The following SEMA3F variants were observed in gnomAD, a reference collection of about 807,000 sequenced individuals.
SEMA3F encodes semaphorin-3F.
A neutral mutation model predicts 98.5 loss-of-function variants in SEMA3F; 30 were observed. The ratio of observed to expected loss-of-function variants is 0.30; its 90% CI spans 0.23 to 0.41. The LOEUF (loss-of-function observed/expected upper bound fraction) is 0.41. SEMA3F is among the 10% of genes least tolerant of loss of function. The pLI is 1.00. For missense variants in SEMA3F, 866 were observed against 1,119.3 expected (o/e 0.77, Z 3.23); for synonymous variants, 380 against 444.8 (o/e 0.85, Z 1.83).
chr3:50,159,600 C>A lies in SEMA3F; in HGVS notation c.-23C>A. On this transcript the variant is annotated 5_prime_UTR_variant, in exon 2 of 19. It adds an upstream start codon to the 5' untranslated region. Transcript: ENST00000002829. Reference sequence around the variant, plus strand: ...GTTTCTAGAGAGTGGAGCCTGCTTCCTGGGCCCTAGGCCCCTCCCACAATG... The same window carrying A: ...GTTTCTAGAGAGTGGAGCCTGCTTCATGGGCCCTAGGCCCCTCCCACAATG... 6.8e-7 allele frequency: 1 copy of A among 1,466,956 alleles called. No homozygotes were observed. The highest frequency in any genetic ancestry group is 9.4e-7 in the Non-Finnish European group (1 of 1,061,166). The allele number at this position is 1,466,956 out of a possible 1,614,324, so 90.9% of individuals were successfully genotyped here. A position where few individuals can be genotyped will look rare whatever the true frequency, so the allele number is the denominator to read the frequency against.
chr3:50,188,095 C>T lies in SEMA3F; in HGVS notation c.2338C>T (p.His780Tyr), dbSNP rs1699303469. Residue 780 changes from histidine to tyrosine, a missense_variant, in exon 19 of 19, where the codon CAC becomes TAC. Coordinates refer to ENST00000002829, the MANE Select transcript of SEMA3F (RefSeq NM_004186.5). The surrounding 1 kb of genome is among the most constrained non-coding windows in gnomAD (Gnocchi z 4.5). ...CCAGAAAAAGCCCCGGAACCGCCGGCACCACCCTCCGGACACATGAGGCCA... is the reference window on the plus strand; with the variant it reads ...CCAGAAAAAGCCCCGGAACCGCCGGTACCACCCTCCGGACACATGAGGCCA... ...QDQKKPRNRR[H>Y]HPPDT is the part of the protein sequence containing the mutation. 2.6e-6 allele frequency: 4 copies of T among 1,538,600 alleles called. No homozygotes were observed. The highest frequency in any genetic ancestry group is 3.5e-6 in the Non-Finnish European group (4 of 1,142,120).
chr3:50,184,568 C>T, intron 12 of SEMA3F, 24 bp from the exon 13 acceptor site: 1 of 1,594,174 alleles, frequency 6.3e-7, no homozygotes, highest in South Asian at 1.1e-5. Flanking sequence ...CAGCCTGGGA[C>T]TGACACTCGC....
intron 13 of SEMA3F, 88 bp from the exon 14 acceptor site, chr3:50,185,355 T>G (rs1409301528): frequency 3.2e-6 from 4 of 1,256,574 alleles, no homozygotes; most frequent in East Asian, 5.1e-5. Flanking sequence ...CCTAGGGGGG[T>G]TTGGGCCCTG....
At position 50,184,648 on chromosome 3, in the gene SEMA3F, G is replaced by A. The variant is rs749691069; in HGVS notation, c.1290G>A (p.Glu430=). 6.2e-7 allele frequency: 1 copy of A among 1,614,138 alleles called. No individual in the cohort carries two copies. Among genetic ancestry groups the A allele is most frequent in the East Asian group, 2.2e-5 (1 of 44,880 alleles). The change falls in exon 13 of 19, where the codon GAG becomes GAA. Residue 430 remains glutamate, a synonymous_variant. Transcript: ENST00000002829. ...SMKSTKDYPD[E]VINFMRSHPL... is the part of the protein sequence containing the mutation. The stretch of plus-strand genomic sequence containing the variant: ...AGTCCACCAAGGATTATCCTGATGA[G>A]GTGATCAACTTCATGCGCAGCCACC...
At position 50,186,763 on chromosome 3, in the gene SEMA3F, G is replaced by C. The variant is rs772939552; in HGVS notation, c.1947+17G>C. 1.9e-6 allele frequency: 3 copies of C among 1,578,648 alleles called. No individual in the cohort carries two copies. The highest frequency in any genetic ancestry group is 2.6e-6 in the Non-Finnish European group (3 of 1,154,960). ...CGCCGAGAGGTGAGTTCCTGCGCCC[G>C]GTGCTGCACCGTGGATGTGAGTCCT... On this transcript the variant is annotated intron_variant, in intron 18 of 18. Coordinates refer to ENST00000002829, the MANE Select transcript of SEMA3F (RefSeq NM_004186.5).
At chr3:50,169,493 G>A (rs572807027) in intron 2 of SEMA3F, among the ~76,000 whole-genome samples, 3 of 152,284 alleles carry the variant, frequency 2.0e-5, no homozygotes, top group East Asian at 3.9e-4. Context: ...AATCCTTCCC[G>A]GATGTCACCC....
Position 50,159,576 on chromosome 3 carries a change from T to G in SEMA3F, c.-47T>G, listed in dbSNP as rs771247727. ...TCCAATCTTGGTTCCCCTTCCCAGGTTTCTAGAGAGTGGAGCCTGCTTCCT... is the reference window on the plus strand; with the variant it reads ...TCCAATCTTGGTTCCCCTTCCCAGGGTTCTAGAGAGTGGAGCCTGCTTCCT... On this transcript the variant is annotated splice_region_variant and 5_prime_UTR_variant, in exon 2 of 19. Coordinates refer to ENST00000002829, the MANE Select transcript of SEMA3F (RefSeq NM_004186.5). 15 of 1,198,128 alleles carry G rather than the reference T, an allele frequency of 1.3e-5. No homozygotes were observed. The highest frequency in any genetic ancestry group is 2.1e-5 in the Admixed American group (1 of 47,332). The allele number at this position is 1,198,128 out of a possible 1,614,324, so 74.2% of individuals were successfully genotyped here.
At chr3:50,161,193 C>T (rs1698194863) in intron 2 of SEMA3F, among the ~76,000 whole-genome samples, 1 of 152,146 alleles carries the variant, frequency 6.6e-6, no homozygotes, top group Admixed American at 6.5e-5. Flanking sequence ...TGGGACCTTG[C>T]GTCCGCTCTG....
At chr3:50,159,785 C>A in intron 2 of SEMA3F, 51 bp downstream of exon 2, 2 of 1,212,690 alleles carry the variant, frequency 1.6e-6, no homozygotes, top group South Asian at 1.2e-5. Flanking sequence ...TTTACAATAG[C>A]GCTCGGCTCC....
chr3:50,176,140 G>C (rs1472279524), intron 6 of SEMA3F, among the ~76,000 whole-genome samples: 1 of 152,180 alleles, frequency 6.6e-6, no homozygotes, highest in Non-Finnish European at 1.5e-5. Context: ...GTCTGGGCTG[G>C]ACTCCTTGAC....
chr3:50,162,034 T>C (rs1401989724), intron 2 of SEMA3F, among the ~76,000 whole-genome samples: 2 of 152,184 alleles, frequency 1.3e-5, no homozygotes, highest in Non-Finnish European at 2.9e-5. Context: ...TGTGGCTCCA[T>C]GTCATAGTTT....
At position 50,184,740 on chromosome 3, in the gene SEMA3F, A is replaced by G. The variant is rs1488285898; in HGVS notation, c.1382A>G (p.Tyr461Cys). 6 of 1,613,936 alleles carry G rather than the reference A, an allele frequency of 3.7e-6. No individual in the cohort carries two copies. The highest frequency in any genetic ancestry group is 4.2e-6 in the Non-Finnish European group (5 of 1,179,974). Residue 461 changes from tyrosine to cysteine, a missense_variant, in exon 13 of 19, where the codon TAC becomes TGC. Coordinates refer to ENST00000002829, the MANE Select transcript of SEMA3F (RefSeq NM_004186.5). ...CTGGTAGTCCGCACAGGTGCTCCCT[A>G]CCGCCTTACCACTATTGCCGTGGAC... is the stretch of plus-strand genomic sequence containing the variant. ...RPLVVRTGAP[Y>C]RLTTIAVDQV...
chr3:50,161,543 G>T (rs969129540), intron 2 of SEMA3F, among the ~76,000 whole-genome samples: 1 of 152,242 alleles, frequency 6.6e-6, no homozygotes, highest in Non-Finnish European at 1.5e-5. Context: ...GCGGCCTGGG[G>T]TGGGGCTGCA....
intron 7 of SEMA3F, among the ~76,000 whole-genome samples, chr3:50,180,150 T>A (rs1025589801): frequency 1.4e-4 from 22 of 152,126 alleles, no homozygotes; most frequent in African/African-American, 4.6e-4. Context: ...TGTTTTTTTT[T>A]ATTTGTTTGT....
chr3:50,170,100 C>G (rs533028903), intron 2 of SEMA3F, among the ~76,000 whole-genome samples: 1 of 152,252 alleles, frequency 6.6e-6, no homozygotes, highest in African/African-American at 2.4e-5. Flanking sequence ...TGTCACAGGG[C>G]TCCTTGTTTC....
chr3:50,172,405 C>T (rs891878641), intron 2 of SEMA3F, among the ~76,000 whole-genome samples: 1 of 152,096 alleles, frequency 6.6e-6, no homozygotes, highest in African/African-American at 2.4e-5. Flanking sequence ...CCTCGGCTCT[C>T]CCTCCCCTTG....
In SEMA3F at chr3:50,183,469, C is replaced by T. The variant is rs1254413108; in HGVS notation, c.1138C>T (p.Arg380Cys). Residue 380 changes from arginine (R) to cysteine (C), a missense_variant, in exon 12 of 19, where the codon CGC becomes TGC. Physicochemically the swap from Arg to Cys is radical, Grantham distance 180. Around this residue, in one of 3 missense-constraint regions of SEMA3F, gnomAD observed 374 missense variants for 582.8 expected, o/e 0.64. Transcript: ENST00000002829. ...AVCVYSMADI[R>C]MVFNGPFAHK... ...GTGTGTCTACTCCATGGCTGATATT[C>T]GCATGGTCTTCAACGGGCCCTTTGC... is the stretch of plus-strand genomic sequence containing the variant. 1.9e-6 allele frequency: 3 copies of T among 1,614,100 alleles called. No individual in the cohort carries two copies. The highest frequency in any genetic ancestry group is 1.1e-5 in the South Asian group (1 of 91,084).
At position 50,183,420 on chromosome 3, in the gene SEMA3F, C is replaced by T; in HGVS notation, c.1089C>T (p.Gly363=). 1.9e-6 allele frequency: 3 copies of T among 1,613,930 alleles called. No individual in the cohort carries two copies. Among genetic ancestry groups the T allele is most frequent in the Non-Finnish European group, 2.5e-6 (3 of 1,179,962 alleles). The change falls in exon 12 of 19, where the codon GGC becomes GGT. Residue 363 remains glycine, a splice_region_variant and synonymous_variant. Transcript: ENST00000002829. ...TCAGCAGCGCCTGCCATGCCCACAG[C>T]TCCGTGTTCCGAGGCTCTGCCGTGT... ...PVIYAVFTSS[G]SVFRGSAVCV... is the part of the protein sequence containing the mutation.
At position 50,159,671 on chromosome 3, in the gene SEMA3F, T is replaced by C. The variant is rs2109054195; in HGVS notation, c.49T>C (p.Trp17Arg). ...LLWASLLTGA[W>R]PSFPTQDHLP... The stretch of plus-strand genomic sequence containing the variant: ...CTGGGCTTCCCTACTGACCGGGGCC[T>C]GGCCATCCTTCCCCACCCAGGACCA... The change falls in exon 2 of 19, where the codon TGG (tryptophan) becomes CGG (arginine). Residue 17 changes from tryptophan (W) to arginine (R), a missense_variant. Physicochemically the swap from Trp to Arg is moderately radical, Grantham distance 101. Around this residue, in one of 3 missense-constraint regions of SEMA3F, gnomAD observed 247 missense variants for 276.0 expected, o/e 0.89. Transcript: ENST00000002829. 1 of 1,613,240 alleles carries C rather than the reference T, an allele frequency of 6.2e-7. No individual in the cohort carries two copies. The highest frequency in any genetic ancestry group is 1.3e-5 in the African/African-American group (1 of 75,036).
Sources: allele counts gnomAD v4.1 joint callset (sites outside exome capture counted in the v4.1 genomes callset), GRCh38; gene constraint gnomAD v4.1.1; regional missense constraint gnomAD v4.1.1; non-coding constraint Gnocchi (gnomAD v3.1); transcripts MANE v1.5; gene names NCBI Gene and HGNC (gene_info 2026-07-23, HGNC 2026-07-21).